The following SVIL variants were observed in gnomAD, a reference collection of about 807,000 sequenced individuals.
SVIL encodes the protein supervillin, also known as archvillin.
SVIL carries 101 observed loss-of-function variants against 240.4 expected under a neutral mutation model. The observed-to-expected ratio is 0.42, with a 90% confidence interval of 0.36 to 0.50. The LOEUF (loss-of-function observed/expected upper bound fraction) is 0.50, where lower values mean the gene tolerates loss of function less well. Among genes scored for constraint, SVIL ranks in the 20% least tolerant of loss-of-function variants. The pLI is 0.01. For missense variants in SVIL, 2,512 were observed against 2,818.7 expected (o/e 0.89, Z 2.46); for synonymous variants, 999 against 1,100.0 (o/e 0.91, Z 1.82).
intron 17 of SVIL, among the ~76,000 whole-genome samples, chr10:29,501,587 T>C (rs1278355531): frequency 6.6e-6 from 1 of 152,164 alleles, no homozygotes; most frequent in Non-Finnish European, 1.5e-5. Flanking sequence ...TTATCAAAAT[T>C]CAAAGTTACT....
chr10:29,622,046 C>T (rs917893864), intron 1 of SVIL, among the ~76,000 whole-genome samples: 2 of 151,100 alleles, frequency 1.3e-5, no homozygotes, highest in Admixed American at 6.6e-5. Flanking sequence ...GTCAGGAGAT[C>T]GAGACCATCC....
Position 29,497,429 on chromosome 10 carries a change from G to C in SVIL, c.3664+1687C>G, listed in dbSNP as rs146045161. ...GGAACCCAAATTTTAATCATTTCCTGCAGGATATGAAATAAAGCCCCAAAC... is the reference window on the plus strand; with the variant it reads ...GGAACCCAAATTTTAATCATTTCCTCCAGGATATGAAATAAAGCCCCAAAC... On this transcript the variant is annotated intron_variant, in intron 18 of 37. Coordinates refer to ENST00000355867, the MANE Select transcript of SVIL (RefSeq NM_021738.3). Among the ~76,000 whole-genome samples the C allele has an allele frequency of 3.2e-3, 485 of 152,300 alleles. 2 individuals carry two copies. The highest frequency in any genetic ancestry group is 0.011 in the African/African-American group (456 of 41,556).
chr10:29,476,780 C>T (rs1488789050), intron 29 of SVIL, among the ~76,000 whole-genome samples: 1 of 152,140 alleles, frequency 6.6e-6, no homozygotes, highest in Non-Finnish European at 1.5e-5. Flanking sequence ...AAATTTAGTC[C>T]TACATGAAAC....
chr10:29,675,879 C>G (rs926699314), intron 2 of SVIL, among the ~76,000 whole-genome samples: 3 of 152,172 alleles, frequency 2.0e-5, no homozygotes, highest in African/African-American at 7.2e-5. Context: ...GAAATTGACC[C>G]TTCCCAGTCT....
intron 1 of SVIL, among the ~76,000 whole-genome samples, chr10:29,615,020 G>C (rs545298611): frequency 1.6e-4 from 25 of 152,120 alleles, no homozygotes; most frequent in Non-Finnish European, 2.8e-4. Flanking sequence ...TGAGGCAGAA[G>C]TTAAGTTATC....
At chr10:29,616,068 A>G (rs973266544) in intron 1 of SVIL, among the ~76,000 whole-genome samples, 1 of 152,246 alleles carries the variant, frequency 6.6e-6, no homozygotes, top group African/African-American at 2.4e-5. Context: ...TTCAGCACAT[A>G]GGTGGGTGGC....
intron 1 of SVIL, among the ~76,000 whole-genome samples, chr10:29,602,082 GC>G (rs1956831935): frequency 6.6e-6 from 1 of 151,990 alleles, no homozygotes; most frequent in Non-Finnish European, 1.5e-5. Flanking sequence ...AAAACATGGG[GC>G]CCTGGATTAT....
chr10:29,530,314 G>C (rs994446533), intron 11 of SVIL, among the ~76,000 whole-genome samples: 1 of 152,194 alleles, frequency 6.6e-6, no homozygotes, highest in African/African-American at 2.4e-5. Context: ...GTACACTCAT[G>C]CTGTGTCCAT....
chr10:29,517,138 G>A (rs989948196), intron 16 of SVIL, among the ~76,000 whole-genome samples: 3 of 152,162 alleles, frequency 2.0e-5, no homozygotes, highest in Admixed American at 6.5e-5. Context: ...AGGGCCAGGC[G>A]TGGTGGCTCA....
intron 23 of SVIL, among the ~76,000 whole-genome samples, chr10:29,487,902 CTT>C (rs1947572850): frequency 6.6e-6 from 1 of 152,184 alleles, no homozygotes; most frequent in South Asian, 2.1e-4. Context: ...TGTCACTAGT[CTT>C]TTTAAATACA....
At chr10:29,489,389 C>T (rs1453620850) in intron 22 of SVIL, among the ~76,000 whole-genome samples, 1 of 152,174 alleles carries the variant, frequency 6.6e-6, no homozygotes, top group Non-Finnish European at 1.5e-5. Context: ...GCAGAGGAAA[C>T]ATATGTAAAA....
At chr10:29,693,971 A>T (rs1390981539) in intron 1 of SVIL, among the ~76,000 whole-genome samples, 4 of 152,154 alleles carry the variant, frequency 2.6e-5, no homozygotes, top group Admixed American at 2.6e-4. Context: ...ATAGATACAT[A>T]GATAGATACA....
intron 1 of SVIL, among the ~76,000 whole-genome samples, chr10:29,633,663 CT>C (rs34098641): frequency 0.56 from 83,848 of 149,084 alleles, 24,450 homozygotes; most frequent in Non-Finnish European, 0.66. Flanking sequence ...AAGAAATAAT[CT>C]TTTTTTTTTT....
intron 3 of SVIL, among the ~76,000 whole-genome samples, chr10:29,649,949 G>A (rs145284864): frequency 3.3e-5 from 5 of 152,318 alleles, no homozygotes; most frequent in Admixed American, 6.5e-5. Flanking sequence ...ATAAAAGTGC[G>A]TACATTTCTC....
intron 1 of SVIL, among the ~76,000 whole-genome samples, chr10:29,694,468 T>A (rs925466507): frequency 5.3e-5 from 8 of 151,958 alleles, no homozygotes; most frequent in African/African-American, 1.9e-4. Context: ...AAATACAATT[T>A]TTTTTTTCTG....
intron 17 of SVIL, among the ~76,000 whole-genome samples, chr10:29,499,822 A>G (rs1334019707): frequency 2.0e-5 from 3 of 152,242 alleles, no homozygotes; most frequent in Non-Finnish European, 4.4e-5. Flanking sequence ...GCGGGCAGGT[A>G]GACAACCAGG....
At chr10:29,565,064 G>GA (rs1020545185) in intron 2 of SVIL, among the ~76,000 whole-genome samples, 1 of 151,950 alleles carries the variant, frequency 6.6e-6, no homozygotes, top group Non-Finnish European at 1.5e-5. Flanking sequence ...ATCTTTTCAG[G>GA]AAAAAAAATT....
chr10:29,684,013 C>T (rs551066245), intron 2 of SVIL, among the ~76,000 whole-genome samples: 3 of 152,132 alleles, frequency 2.0e-5, no homozygotes, highest in African/African-American at 4.8e-5. Flanking sequence ...AACATCTTTG[C>T]GTAATTTTTT....
intron 1 of SVIL, among the ~76,000 whole-genome samples, chr10:29,607,291 A>G (rs963201780): frequency 2.0e-5 from 3 of 152,166 alleles, no homozygotes; most frequent in Admixed American, 6.5e-5. Context: ...CCAGTACCAC[A>G]TTATTTTAAT....
Sources: allele counts gnomAD v4.1 joint callset (sites outside exome capture counted in the v4.1 genomes callset), GRCh38; gene constraint gnomAD v4.1.1; transcripts MANE v1.5; gene names NCBI Gene and HGNC (gene_info 2026-07-23, HGNC 2026-07-21).